Variants in MOV10L1 observed in about 807,000 individuals in gnomAD.
The protein encoded by MOV10L1 is Mov10 like RNA helicase 1.
A neutral mutation model predicts 143.8 loss-of-function variants in MOV10L1; 110 were observed. That is an observed-to-expected ratio of 0.76 (90% CI 0.66 to 0.90). The LOEUF is 0.90. MOV10L1 is among the 40% of genes least tolerant of loss of function. The pLI is 0.00. For missense variants in MOV10L1, 1,406 were observed against 1,526.8 expected (o/e 0.92, Z 1.32); for synonymous variants, 593 against 581.1 (o/e 1.02, Z -0.29).
chr22:50,142,138 G>C lies in MOV10L1; in HGVS notation c.2128G>C (p.Asp710His), dbSNP rs753146890. The C allele has an allele frequency of 1.7e-4, 281 of 1,613,628 alleles. 3 individuals are homozygous for C. In the South Asian group the frequency reaches 3.0e-3, roughly 17 times the overall value. The change falls in exon 16 of 27, where the codon GAC becomes CAC. Residue 710 changes from aspartate to histidine, a missense_variant. By Grantham distance (81) the Asp-to-His change is moderately conservative. Transcript: ENST00000262794. ...EHGTEERRVGDKDLPVLAPFT... is the reference protein window; with the variant it reads ...EHGTEERRVGHKDLPVLAPFT... ...TGGAACAGAGGAGAGGCGTGTTGGT[G>C]ACAAGGACCTGCCGGTGCTGGCACC...
rs537898719 is a variant in MOV10L1, at chr22:50,113,605, G to A, written c.744-43G>A. 65 of 1,601,798 alleles carry A rather than the reference G, an allele frequency of 4.1e-5. No homozygotes were observed. The South Asian group carries it at 6.6e-4, about 16-fold the overall frequency. On this transcript the variant is annotated intron_variant, in intron 5 of 26. Coordinates refer to ENST00000262794, the MANE Select transcript of MOV10L1 (RefSeq NM_018995.3). ...GAGCGGAGGCAGGCGAGGAAGGGGT[G>A]GTGCTGCTGCAGAGGGATGTCTTTC...
chr22:50,126,263 C>T lies in MOV10L1; in HGVS notation c.1809C>T (p.Tyr603=), dbSNP rs988658907. The T allele has an allele frequency of 1.9e-6, 3 of 1,611,720 alleles. No individual in the cohort carries two copies. The highest frequency in any genetic ancestry group is 2.5e-6 in the Non-Finnish European group (3 of 1,177,882). Reference sequence around the variant, plus strand: ...GACATGCCATCGAATACATCAGCTACGTGACTGAGGTGAGAGCACTCTCTC... The same window carrying T: ...GACATGCCATCGAATACATCAGCTATGTGACTGAGGTGAGAGCACTCTCTC... ...YNGHAIEYIS[Y]VTEIHEEDVT... Residue 603 remains tyrosine (Y), a synonymous_variant, in exon 12 of 27, where the codon TAC becomes TAT. Transcript: ENST00000262794.
intron 18 of MOV10L1, among the ~76,000 whole-genome samples, chr22:50,144,571 T>G (rs2063084345): frequency 6.8e-6 from 1 of 148,018 alleles, no homozygotes; most frequent in Non-Finnish European, 1.5e-5. Flanking sequence ...TGGTTTGGTG[T>G]TTTTTGTTTT....
chr22:50,132,412 TTAA>T lies in MOV10L1; in HGVS notation c.1911-1585_1911-1583del, dbSNP rs1375221402. On this transcript the variant is annotated intron_variant, in intron 13 of 26. Transcript: ENST00000262794. ...AAGGGAGAATTGGAGAATTGAAATC[TTAA>T]TAATAATAAGTCCTCCAGCCCTTGA... 2.6e-5 allele frequency among the ~76,000 whole-genome samples: 4 copies of T among 152,334 alleles called. No individual in the cohort carries two copies. In the East Asian group the frequency reaches 7.7e-4, roughly 29 times the overall value.
intron 14 of MOV10L1, among the ~76,000 whole-genome samples, chr22:50,134,272 C>A (rs1194803906): frequency 6.6e-6 from 1 of 151,846 alleles, no homozygotes; most frequent in African/African-American, 2.4e-5. Context: ...CTTAAATAAC[C>A]GAAAATAAAT....
chr22:50,149,423 G>A, intron 19 of MOV10L1, 192 bp from the exon 20 acceptor site: 1 of 592,976 alleles, frequency 1.7e-6, no homozygotes, highest in Non-Finnish European at 3.0e-6. Flanking sequence ...TGCTGATGTG[G>A]CTTAGCATCT....
chr22:50,142,728 C>T (rs144955385), intron 16 of MOV10L1, among the ~76,000 whole-genome samples: 409 of 151,512 alleles, frequency 2.7e-3, no homozygotes, highest in African/African-American at 9.1e-3. Flanking sequence ...CCCAGCTACC[C>T]GGGAGGCTGA....
At position 50,120,607 on chromosome 22, in the gene MOV10L1, A is replaced by G; in HGVS notation, c.1560A>G (p.Leu520=). ...QKIDILTFQP[L]LAELLNMSNY... The stretch of plus-strand genomic sequence containing the variant: ...TTGACATCCTGACTTTCCAGCCATT[A>G]CTTGCAGAGGTAGGAAGTGTCTCAT... Residue 520 remains leucine, a synonymous_variant, in exon 10 of 27, where the codon TTA becomes TTG. Coordinates refer to ENST00000262794, the MANE Select transcript of MOV10L1 (RefSeq NM_018995.3). 4.4e-6 allele frequency: 7 copies of G among 1,607,122 alleles called. No individual in the cohort carries two copies. The highest frequency in any genetic ancestry group is 6.0e-6 in the Non-Finnish European group (7 of 1,173,870).
chr22:50,113,650 A>T lies in MOV10L1; in HGVS notation c.746A>T (p.Asp249Val), dbSNP rs745323187. 5 of 1,611,806 alleles carry T rather than the reference A, an allele frequency of 3.1e-6. No individual in the cohort carries two copies. In the African/African-American group the frequency reaches 5.4e-5, roughly 17 times the overall value. Residue 249 changes from aspartate (D) to valine (V), a missense_variant and splice_region_variant, in exon 6 of 27, where the codon GAC becomes GTC. Physicochemically the swap from Asp to Val is radical, Grantham distance 152. Transcript: ENST00000262794. ...TCTTTCTGGGGCTCTTTTTTCAGAGACGCCGCCCCTGTTCATGAGGCCACT... is the reference window on the plus strand; with the variant it reads ...TCTTTCTGGGGCTCTTTTTTCAGAGTCGCCGCCCCTGTTCATGAGGCCACT... ...ALCMTLVKRRDAAPVHEATHF... is the reference protein window; with the variant it reads ...ALCMTLVKRRVAAPVHEATHF...
intron 3 of MOV10L1, among the ~76,000 whole-genome samples, chr22:50,101,305 TTC>T (rs2061737878): frequency 6.6e-6 from 1 of 152,216 alleles, no homozygotes; most frequent in Admixed American, 6.5e-5. Context: ...AAGCTCCGCC[TTC>T]CAGGTTCATG....
chr22:50,159,608 A>G lies in MOV10L1; in HGVS notation c.3217-70A>G. 4 of 1,145,798 alleles carry G rather than the reference A, an allele frequency of 3.5e-6. No individual in the cohort carries two copies. The South Asian group carries it at 5.8e-5, about 17-fold the overall frequency. The allele number at this position is 1,145,798 out of a possible 1,614,324, so 71.0% of individuals were successfully genotyped here. A position where few individuals can be genotyped will look rare whatever the true frequency, so the allele number is the denominator to read the frequency against. On this transcript the variant is annotated intron_variant, in intron 23 of 26. Transcript: ENST00000262794. The surrounding 1 kb of genome is among the most constrained non-coding windows in gnomAD (Gnocchi z 4.1). Reference sequence around the variant, plus strand: ...CAGAGTAATACTCCATCTCAAAAAAAAAAAAGGAAAAGAAAAGAAATGGAT... The same window carrying G: ...CAGAGTAATACTCCATCTCAAAAAAGAAAAAGGAAAAGAAAAGAAATGGAT...
chr22:50,129,099 C>T (rs1329264868), intron 13 of MOV10L1, among the ~76,000 whole-genome samples: 2 of 152,188 alleles, frequency 1.3e-5, no homozygotes, highest in African/African-American at 4.8e-5. Flanking sequence ...TGGGCTCCTA[C>T]AGCATTTTTG....
chr22:50,136,335 G>C (rs1441402448), intron 15 of MOV10L1, among the ~76,000 whole-genome samples: 6 of 151,906 alleles, frequency 3.9e-5, no homozygotes, highest in African/African-American at 1.2e-4. Context: ...ATTGACTGTA[G>C]GTTTTAAAAC....
intron 10 of MOV10L1, 39 bp from the exon 11 acceptor site, chr22:50,125,353 G>A: frequency 6.3e-7 from 1 of 1,594,814 alleles, no homozygotes; most frequent in East Asian, 2.2e-5. Flanking sequence ...GAGTGCTGCT[G>A]AGCTGTTGCT....
chr22:50,126,241 A>T lies in MOV10L1; in HGVS notation c.1787A>T (p.His596Leu). 2 of 1,612,614 alleles carry T rather than the reference A, an allele frequency of 1.2e-6. No individual in the cohort carries two copies. Among genetic ancestry groups the T allele is most frequent in the Non-Finnish European group, 8.5e-7 (1 of 1,178,620 alleles). ...LILKTQEYNG[H>L]AIEYISYVTE... ...TTAAAAACTCAAGAGTACAATGGAC[A>T]TGCCATCGAATACATCAGCTACGTG... The change falls in exon 12 of 27, where the codon CAT becomes CTT. Residue 596 changes from histidine to leucine, a missense_variant. By Grantham distance (99) the His-to-Leu change is moderately conservative (BLOSUM62 -3). Transcript: ENST00000262794.
At chr22:50,129,791 A>G (rs1281299056) in intron 13 of MOV10L1, among the ~76,000 whole-genome samples, 10 of 152,172 alleles carry the variant, frequency 6.6e-5, no homozygotes, top group Non-Finnish European at 1.5e-4. Context: ...ACTTATTTAC[A>G]AGGCTGAGAA....
chr22:50,149,672 A>G lies in MOV10L1; in HGVS notation c.2685A>G (p.Glu895=), dbSNP rs373688019. 5.0e-6 allele frequency: 8 copies of G among 1,613,976 alleles called. No individual in the cohort carries two copies. The African/African-American group carries it at 1.1e-4, about 22-fold the overall frequency. ...VDEAGQASEP[E]CLIPLGLMSD... is the part of the protein sequence containing the mutation. ...AGGCTGGGCAGGCAAGTGAGCCGGA[A>G]TGCCTCATTCCTCTGGGGCTGATGT... The change falls in exon 20 of 27, where the codon GAA becomes GAG. Residue 895 remains glutamate, a synonymous_variant. Transcript: ENST00000262794.
chr22:50,090,516 T>A, intron 1 of MOV10L1: 1 of 1,608,244 alleles, frequency 6.2e-7, no homozygotes, highest in Non-Finnish European at 8.5e-7. Context: ...GGCGGTGGTG[T>A]GTCTAGAAAG....
chr22:50,125,517 G>A lies in MOV10L1; in HGVS notation c.1695G>A (p.Leu565=). 6.2e-7 allele frequency: 1 copy of A among 1,614,226 alleles called. No individual in the cohort carries two copies. The highest frequency in any genetic ancestry group is 8.5e-7 in the Non-Finnish European group (1 of 1,180,036). ...TCATCTTAAGAAGGAATGGGGATCTGCTGGTTCTGGAGGTCCCAGGGTTGG... is the reference window on the plus strand; with the variant it reads ...TCATCTTAAGAAGGAATGGGGATCTACTGGTTCTGGAGGTCCCAGGGTTGG... ...SGIILRRNGD[L]LVLEVPGLAE... is the part of the protein sequence containing the mutation. The change falls in exon 11 of 27, where the codon CTG becomes CTA. Residue 565 remains leucine (L), a synonymous_variant. Coordinates refer to ENST00000262794, the MANE Select transcript of MOV10L1 (RefSeq NM_018995.3).
Sources: gnomAD v4.1 joint callset for allele counts (sites outside exome capture counted in the v4.1 genomes callset) on GRCh38, gnomAD v4.1.1 for gene constraint, Gnocchi (gnomAD v3.1) non-coding constraint, MANE v1.5 for transcripts, NCBI Gene and HGNC (gene_info 2026-07-23, HGNC 2026-07-21) for gene names.